ALG14: variants seen among roughly 807,000 people sequenced by gnomAD.
ALG14 encodes UDP-N-acetylglucosamine transferase subunit ALG14.
In ALG14, 17 loss-of-function variants were observed where a neutral mutation model predicts 22.8. The ratio of observed to expected loss-of-function variants is 0.75; its 90% confidence interval spans 0.51 to 1.12. ALG14 has a LOEUF of 1.12. Ranked by LOEUF, ALG14 falls within the 50% of genes most tolerant of loss-of-function variation. The pLI is 0.00. For synonymous variants in ALG14, 89 were observed against 103.7 expected (o/e 0.86, Z 0.86); for missense variants, 288 against 271.8 (o/e 1.06, Z -0.42).
intron 2 of ALG14, among the ~76,000 whole-genome samples, chr1:95,046,358 T>G (rs1674556001): frequency 3.3e-5 from 5 of 152,214 alleles, no homozygotes; most frequent in Non-Finnish European, 7.3e-5. Flanking sequence ...AGCAGCAGCA[T>G]CAGATTCTCT....
chr1:95,040,305 A>T (rs1436602172), intron 2 of ALG14, among the ~76,000 whole-genome samples: 1 of 152,212 alleles, frequency 6.6e-6, no homozygotes, highest in Non-Finnish European at 1.5e-5. Context: ...GGTTATTAGC[A>T]GGACCCACAG....
At chr1:95,052,631 G>A (rs1017072469) in intron 2 of ALG14, among the ~76,000 whole-genome samples, 5 of 152,146 alleles carry the variant, frequency 3.3e-5, no homozygotes, top group Non-Finnish European at 7.4e-5. Flanking sequence ...GCCGAGGCAG[G>A]TGGATCATTT....
At chr1:94,990,586 T>C (rs1414984505) in intron 3 of ALG14, among the ~76,000 whole-genome samples, 1 of 152,218 alleles carries the variant, frequency 6.6e-6, no homozygotes, top group Non-Finnish European at 1.5e-5. Context: ...ACTACATCCA[T>C]TCCATGTTTC....
chr1:95,069,603 T>C (rs1054630641), intron 1 of ALG14, among the ~76,000 whole-genome samples: 7 of 152,204 alleles, frequency 4.6e-5, no homozygotes, highest in Non-Finnish European at 7.3e-5. Context: ...GCCTTTGTGA[T>C]TGTTACCTCC....
chr1:95,057,622 C>CTG (rs139544863), intron 2 of ALG14, among the ~76,000 whole-genome samples: 48,439 of 143,336 alleles, frequency 0.34, 8,436 homozygotes, highest in African/African-American at 0.43. Flanking sequence ...AGATGACCAT[C>CTG]TGTGTGTGTG....
At chr1:94,984,325 G>T (rs574040662) in intron 3 of ALG14, among the ~76,000 whole-genome samples, 3 of 152,258 alleles carry the variant, frequency 2.0e-5, no homozygotes, top group Admixed American at 6.5e-5. Flanking sequence ...GAGTTGGAAA[G>T]GTTCCCATAT....
At chr1:95,023,138 T>A (rs921990086) in intron 3 of ALG14, among the ~76,000 whole-genome samples, 2 of 151,490 alleles carry the variant, frequency 1.3e-5, no homozygotes, top group Non-Finnish European at 2.9e-5. Context: ...GTCATCAACT[T>A]TTTTTTTTGA....
At chr1:95,050,862 ATTTT>A (rs34383912) in intron 2 of ALG14, among the ~76,000 whole-genome samples, 2 of 131,976 alleles carry the variant, frequency 1.5e-5, no homozygotes, top group Non-Finnish European at 3.2e-5. Flanking sequence ...TCCCTGGGTA[ATTTT>A]TTTTTTTTTT....
chr1:95,031,054 T>C (rs1571626632), intron 2 of ALG14, among the ~76,000 whole-genome samples: 1 of 152,178 alleles, frequency 6.6e-6, no homozygotes, highest in African/African-American at 2.4e-5. Flanking sequence ...GAGGGGAGTC[T>C]TGGTTCCATT....
At position 95,010,050 on chromosome 1, in the gene ALG14, C is replaced by G. The variant is rs146043371; in HGVS notation, c.420+17079G>C. The stretch of plus-strand genomic sequence containing the variant: ...AGCAATGATAAATTTGGGGTTTTAA[C>G]TATGATCCATGAATGAGCCTCCAAC... On this transcript the variant is annotated intron_variant, in intron 3 of 3. Coordinates refer to ENST00000370205, the MANE Select transcript of ALG14 (RefSeq NM_144988.4). Among the ~76,000 whole-genome samples, 484 of 152,244 alleles carry G rather than the reference C, an allele frequency of 3.2e-3. 1 individual carries two copies. The highest frequency in any genetic ancestry group is 0.011 in the African/African-American group (467 of 41,546).
intron 3 of ALG14, among the ~76,000 whole-genome samples, chr1:95,012,727 A>G (rs1276030262): frequency 6.6e-6 from 1 of 152,204 alleles, no homozygotes; most frequent in Non-Finnish European, 1.5e-5. Context: ...GAATCAGTGA[A>G]TCAGAGACTC....
intron 3 of ALG14, among the ~76,000 whole-genome samples, chr1:94,987,502 C>T (rs772572110): frequency 6.6e-6 from 1 of 152,068 alleles, no homozygotes; most frequent in African/African-American, 2.4e-5. Flanking sequence ...GGAAAGAGGA[C>T]AGGACTGATA....
intron 2 of ALG14, among the ~76,000 whole-genome samples, chr1:95,062,543 T>G (rs1675202652): frequency 2.0e-5 from 3 of 152,024 alleles, no homozygotes; most frequent in Admixed American, 2.0e-4. Flanking sequence ...AGTGAAAACG[T>G]GTAGTATTTA....
At chr1:95,030,770 C>T (rs550539220) in intron 2 of ALG14, among the ~76,000 whole-genome samples, 4 of 152,034 alleles carry the variant, frequency 2.6e-5, no homozygotes, top group African/African-American at 7.2e-5. Context: ...TAGACCTGGA[C>T]GTGGAAGAAA....
chr1:95,008,081 T>G (rs141220241), intron 3 of ALG14, among the ~76,000 whole-genome samples: 1 of 152,314 alleles, frequency 6.6e-6, no homozygotes, highest in African/African-American at 2.4e-5. Flanking sequence ...TTCTTTCTTC[T>G]GAGAATCGCT....
chr1:94,983,488 A>G, intron 3 of ALG14, 182 bp from the exon 4 acceptor site: 1 of 591,164 alleles, frequency 1.7e-6, no homozygotes, highest in East Asian at 2.9e-5. Flanking sequence ...GGAGCCAGGC[A>G]GAGCTGTGTT....
chr1:95,026,576 TG>T (rs1252876572), intron 3 of ALG14, among the ~76,000 whole-genome samples: 1 of 152,020 alleles, frequency 6.6e-6, no homozygotes, highest in African/African-American at 2.4e-5. Context: ...TTAAGTTCAC[TG>T]TCTTATGTAA....
chr1:94,993,117 A>G (rs2100723226), intron 3 of ALG14, among the ~76,000 whole-genome samples: 1 of 148,846 alleles, frequency 6.7e-6, no homozygotes, highest in South Asian at 2.2e-4. Flanking sequence ...CATACCAGAT[A>G]ACAATAACCC....
At chr1:95,016,942 GGTGTGTGTGTGTGTGT>G (rs55962309) in intron 3 of ALG14, among the ~76,000 whole-genome samples, 93 of 129,362 alleles carry the variant, frequency 7.2e-4, no homozygotes, top group African/African-American at 1.5e-3. Context: ...TTGCAAAAGG[GGTGTGTGTGTGTGTGT>G]GTGTGTGTGT....
Sources: gnomAD v4.1 joint callset for allele counts (sites outside exome capture counted in the v4.1 genomes callset) on GRCh38, gnomAD v4.1.1 for gene constraint, MANE v1.5 for transcripts, NCBI Gene and HGNC (gene_info 2026-07-23, HGNC 2026-07-21) for gene names.